Variants in MYO1B observed in about 807,000 individuals in gnomAD.
MYO1B encodes the protein myosin IB, also known as unconventional myosin-Ib.
In MYO1B, 72 loss-of-function variants were observed where a neutral mutation model predicts 159.7. That is an observed-to-expected ratio of 0.45 (90% confidence interval 0.37 to 0.55). The LOEUF (loss-of-function observed/expected upper bound fraction) is 0.55. Among genes scored for constraint, MYO1B ranks in the 20% least tolerant of loss-of-function variants. MYO1B has a pLI of 0.00. For synonymous variants in MYO1B, 468 were observed against 473.8 expected (o/e 0.99, Z 0.16); for missense variants, 1,062 against 1,364.8 (o/e 0.78, Z 3.50).
intron 2 of MYO1B, among the ~76,000 whole-genome samples, chr2:191,290,128 A>T (rs896540301): frequency 3.3e-5 from 5 of 152,258 alleles, no homozygotes; most frequent in Non-Finnish European, 5.9e-5. Flanking sequence ...GTGCCATAAT[A>T]AAGCAGTCAG....
At chr2:191,252,920 A>G (rs1686210436) in intron 1 of MYO1B, among the ~76,000 whole-genome samples, 2 of 152,118 alleles carry the variant, frequency 1.3e-5, no homozygotes, top group South Asian at 4.2e-4. Flanking sequence ...GTCAGTCACT[A>G]TGTCTGATTT....
intron 30 of MYO1B, among the ~76,000 whole-genome samples, chr2:191,421,313 G>A (rs1026984693): frequency 1.1e-4 from 17 of 151,828 alleles, no homozygotes; most frequent in Admixed American, 3.9e-4. Flanking sequence ...CAGGTGATCC[G>A]ACCACCTCAG....
At chr2:191,320,047 G>C (rs923239791) in intron 3 of MYO1B, among the ~76,000 whole-genome samples, 1 of 152,120 alleles carries the variant, frequency 6.6e-6, no homozygotes, top group Non-Finnish European at 1.5e-5. Flanking sequence ...GGTAAGGAAA[G>C]GGTGACTTTG....
intron 2 of MYO1B, among the ~76,000 whole-genome samples, chr2:191,281,510 T>G (rs1688060211): frequency 6.6e-6 from 1 of 152,196 alleles, no homozygotes; most frequent in African/African-American, 2.4e-5. Flanking sequence ...CGAGCACTGC[T>G]TTTCTGTTTG....
intron 7 of MYO1B, among the ~76,000 whole-genome samples, chr2:191,360,023 C>T (rs141773424): frequency 6.6e-6 from 1 of 152,178 alleles, no homozygotes; most frequent in African/African-American, 2.4e-5. Context: ...TCTAAGACTT[C>T]AAGATATCCA....
chr2:191,381,017 C>T, intron 13 of MYO1B: 1 of 269,230 alleles, frequency 3.7e-6, no homozygotes, highest in East Asian at 9.0e-5. Context: ...ATGCAAGAGT[C>T]AGAGTGAGGG....
chr2:191,329,423 T>C (rs866745750), intron 3 of MYO1B, among the ~76,000 whole-genome samples: 3 of 151,934 alleles, frequency 2.0e-5, no homozygotes, highest in Non-Finnish European at 4.4e-5. Context: ...TTTGAAAAGA[T>C]TTTTTTCCCT....
intron 3 of MYO1B, among the ~76,000 whole-genome samples, chr2:191,322,954 G>A (rs1000225024): frequency 3.3e-5 from 5 of 152,076 alleles, no homozygotes; most frequent in African/African-American, 4.8e-5. Context: ...AGCTTTTTTC[G>A]TGGTTATTTC....
At position 191,362,353 on chromosome 2, in the gene MYO1B, A is replaced by G; in HGVS notation, c.747A>G (p.Ala249=). 1.2e-6 allele frequency: 2 copies of G among 1,613,820 alleles called. No individual in the cohort carries two copies. The highest frequency in any genetic ancestry group is 1.7e-6 in the Non-Finnish European group (2 of 1,179,762). ...SAKVNGVDDA[A]NFRTVRNAMQ... The stretch of plus-strand genomic sequence containing the variant: ...AAGTGAATGGAGTGGATGATGCAGC[A>G]AATTTTAGAACCGTGCGGGTAAGAT... The change falls in exon 9 of 31, where the codon GCA becomes GCG. Residue 249 remains alanine (A), a synonymous_variant. Coordinates refer to ENST00000392318, the MANE Select transcript of MYO1B (RefSeq NM_001130158.3).
intron 3 of MYO1B, among the ~76,000 whole-genome samples, chr2:191,320,818 G>A (rs980569543): frequency 1.3e-5 from 2 of 151,488 alleles, no homozygotes; most frequent in Admixed American, 6.6e-5. Context: ...GCCTTTTACC[G>A]CTGCCCATTT....
At chr2:191,325,144 T>A (rs1436700439) in intron 3 of MYO1B, among the ~76,000 whole-genome samples, 1 of 152,136 alleles carries the variant, frequency 6.6e-6, no homozygotes, top group African/African-American at 2.4e-5. Flanking sequence ...TAGGCATTTT[T>A]AAAAAACACT....
In MYO1B at chr2:191,330,049, A is replaced by T; in HGVS notation, c.346+20A>T. ...AAACAGGTAAGGCTCCTACCAAGCA[A>T]CTCTGCAGAAGGTAAATGCTGCACA... On this transcript the variant is annotated intron_variant, in intron 4 of 30. Coordinates refer to ENST00000392318, the MANE Select transcript of MYO1B (RefSeq NM_001130158.3). The T allele has an allele frequency of 6.2e-7, 1 of 1,601,038 alleles. No homozygotes were observed. Among genetic ancestry groups the T allele is most frequent in the South Asian group, 1.1e-5 (1 of 90,436 alleles).
At chr2:191,345,434 T>G (rs1692505737) in intron 5 of MYO1B, among the ~76,000 whole-genome samples, 1 of 152,174 alleles carries the variant, frequency 6.6e-6, no homozygotes. Context: ...GAAACAATCC[T>G]TTTACCCTAT....
intron 22 of MYO1B, 77 bp downstream of exon 22, chr2:191,400,545 C>T: frequency 1.3e-6 from 2 of 1,522,000 alleles, no homozygotes; most frequent in Non-Finnish European, 1.8e-6. Flanking sequence ...GCTTCAGGGG[C>T]AGAAAATGTT....
intron 2 of MYO1B, among the ~76,000 whole-genome samples, chr2:191,288,438 C>T (rs1403543851): frequency 1.3e-5 from 2 of 152,036 alleles, no homozygotes; most frequent in African/African-American, 4.8e-5. Context: ...CTTTATATAA[C>T]CCTGGAGCAC....
intron 3 of MYO1B, among the ~76,000 whole-genome samples, chr2:191,299,454 C>T (rs1253982659): frequency 3.3e-5 from 5 of 152,170 alleles, no homozygotes. Flanking sequence ...ATGGGAGCAT[C>T]CTTGCATAGA....
At chr2:191,273,392 G>T (rs975310119) in intron 1 of MYO1B, among the ~76,000 whole-genome samples, 4 of 152,108 alleles carry the variant, frequency 2.6e-5, no homozygotes, top group African/African-American at 9.7e-5. Flanking sequence ...CAAAGTGTTG[G>T]GATTACAGGC....
intron 6 of MYO1B, 144 bp from the exon 7 acceptor site, chr2:191,350,018 A>G (rs1049288142): frequency 4.8e-6 from 3 of 620,568 alleles, no homozygotes; most frequent in Non-Finnish European, 5.7e-6. Context: ...GTTGTTTTGC[A>G]TCGTGGTTAT....
At chr2:191,317,657 AAGG>A (rs1267010947) in intron 3 of MYO1B, among the ~76,000 whole-genome samples, 4 of 152,126 alleles carry the variant, frequency 2.6e-5, no homozygotes, top group African/African-American at 9.7e-5. Context: ...TGACTTTTAA[AAGG>A]AGATTTTAGG....
Sources: gnomAD v4.1 joint callset for allele counts (sites outside exome capture counted in the v4.1 genomes callset) on GRCh38, gnomAD v4.1.1 for gene constraint, MANE v1.5 for transcripts, NCBI Gene and HGNC (gene_info 2026-07-23, HGNC 2026-07-21) for gene names.